IFRD1: variants seen among roughly 807,000 people sequenced by gnomAD.
IFRD1 encodes interferon-related developmental regulator 1.
In IFRD1, 35 loss-of-function variants were observed where a neutral mutation model predicts 52.9. The observed-to-expected ratio is 0.66, with a 90% confidence interval of 0.51 to 0.88. IFRD1 has a LOEUF of 0.88. Ranked by LOEUF, IFRD1 falls within the 40% of genes least tolerant of loss-of-function variation. The probability of loss-of-function intolerance (pLI) is 0.00; values close to 1 mark genes in which losing one functional copy is unlikely to be tolerated. For missense variants in IFRD1, 517 were observed against 550.8 expected, an observed-to-expected ratio of 0.94 and a Z score of 0.61; for synonymous variants, 184 against 188.4, an observed-to-expected ratio of 0.98 and a Z score of 0.19.
rs1216250930 is a variant in IFRD1, at chr7:112,465,973, G to A, written c.907-2008G>A. On this transcript the variant is annotated intron_variant, in intron 8 of 11. Coordinates refer to ENST00000403825, the MANE Select transcript of IFRD1 (RefSeq NM_001550.4). ...TTGGGTATTTTCTTTTTTTTCAGAT[G>A]ATAAAATAGATTTATAATTTATAAA... Among the ~76,000 whole-genome samples, 4 of 152,148 alleles carry A rather than the reference G, an allele frequency of 2.6e-5. No homozygotes were observed. In the East Asian group the frequency reaches 7.7e-4, roughly 29 times the overall value.
At chr7:112,442,754 C>G (rs940195521) in intron 1 of IFRD1, among the ~76,000 whole-genome samples, 1 of 152,152 alleles carries the variant, frequency 6.6e-6, no homozygotes, top group African/African-American at 2.4e-5. Flanking sequence ...TCAGTCATCT[C>G]TTTGTTCTCA....
chr7:112,444,263 C>T (rs1217579302), intron 1 of IFRD1, among the ~76,000 whole-genome samples: 1 of 152,074 alleles, frequency 6.6e-6, no homozygotes, highest in Non-Finnish European at 1.5e-5. Flanking sequence ...TGTCTTTTGT[C>T]AGAAATTTCA....
At chr7:112,472,899 C>T (rs1795791348) in intron 11 of IFRD1, 38 bp downstream of exon 11, 2 of 1,411,724 alleles carry the variant, frequency 1.4e-6, no homozygotes, top group South Asian at 1.2e-5. Context: ...ACTAAGTGCG[C>T]CAAAGCTTTG....
chr7:112,459,110 T>A (rs1234346362), intron 5 of IFRD1, 92 bp downstream of exon 5: 7 of 1,090,910 alleles, frequency 6.4e-6, no homozygotes, highest in Non-Finnish European at 9.7e-6. Flanking sequence ...CTCAAGAGGC[T>A]GAGGCAAGAG....
At chr7:112,445,508 T>G (rs995217981), upstream of IFRD1, among the ~76,000 whole-genome samples, 6 of 152,232 alleles carry the variant, frequency 3.9e-5, no homozygotes, top group African/African-American at 1.4e-4. Flanking sequence ...AAGAATTACA[T>G]GAGAGGTGTG....
At chr7:112,427,893 G>C (rs1374083075) in intron 1 of IFRD1, among the ~76,000 whole-genome samples, 2 of 152,160 alleles carry the variant, frequency 1.3e-5, no homozygotes, top group African/African-American at 4.8e-5. Context: ...AGAGGGAAAG[G>C]CAGCTATAAA....
At position 112,462,171 on chromosome 7, in the gene IFRD1, G is replaced by T; in HGVS notation, c.789G>T (p.Lys263Asn). 1.2e-6 allele frequency: 2 copies of T among 1,613,680 alleles called. No individual in the cohort carries two copies. The highest frequency in any genetic ancestry group is 1.7e-6 in the Non-Finnish European group (2 of 1,179,810). ...TICPINEVKKKLEMHFHKLPS... is the reference protein window; with the variant it reads ...TICPINEVKKNLEMHFHKLPS... Reference sequence around the variant, plus strand: ...GCCCAATCAATGAAGTGAAGAAAAAGCTTGAGATGTATGTATTTTTAGTTT... The same window carrying T: ...GCCCAATCAATGAAGTGAAGAAAAATCTTGAGATGTATGTATTTTTAGTTT... Residue 263 changes from lysine (K) to asparagine (N), a missense_variant, in exon 7 of 12, where the codon AAG becomes AAT. Lys to Asn is a moderately conservative substitution (Grantham distance 94). Coordinates refer to ENST00000403825, the MANE Select transcript of IFRD1 (RefSeq NM_001550.4).
At chr7:112,424,379 T>G (rs1372205456) in intron 1 of IFRD1, among the ~76,000 whole-genome samples, 1 of 151,874 alleles carries the variant, frequency 6.6e-6, no homozygotes, top group African/African-American at 2.4e-5. Flanking sequence ...GAGTGTCTGG[T>G]GAAGGGAAGG....
chr7:112,460,594 A>AT (rs1446681317), intron 5 of IFRD1, among the ~76,000 whole-genome samples: 1 of 152,154 alleles, frequency 6.6e-6, no homozygotes, highest in Non-Finnish European at 1.5e-5. Context: ...AAAAGGAACG[A>AT]TGTAGCCTTG....
intron 11 of IFRD1, among the ~76,000 whole-genome samples, chr7:112,475,179 C>T (rs943494119): frequency 7.2e-5 from 11 of 152,226 alleles, no homozygotes; most frequent in East Asian, 1.9e-4. Context: ...AGGATGGTCT[C>T]AATCTCCTGA....
intron 1 of IFRD1, among the ~76,000 whole-genome samples, chr7:112,444,302 T>C (rs923134497): frequency 2.0e-5 from 3 of 152,082 alleles, no homozygotes; most frequent in African/African-American, 7.2e-5. Context: ...ATTTCAAAAC[T>C]GAAAACCACA....
chr7:112,440,825 C>T (rs948515624), intron 1 of IFRD1, among the ~76,000 whole-genome samples: 1 of 152,142 alleles, frequency 6.6e-6, no homozygotes, highest in African/African-American at 2.4e-5. Context: ...CTAACTTGAG[C>T]ATAAGAAACA....
chr7:112,468,235 A>G (rs1348992974), intron 9 of IFRD1, 120 bp downstream of exon 9: 20 of 1,182,374 alleles, frequency 1.7e-5, no homozygotes, highest in East Asian at 2.5e-5. Flanking sequence ...TTCTCATTTT[A>G]CGACCTAGCA....
At chr7:112,455,509 C>CA (rs546986853) in intron 1 of IFRD1, among the ~76,000 whole-genome samples, 8 of 142,882 alleles carry the variant, frequency 5.6e-5, no homozygotes, top group Non-Finnish European at 7.7e-5. Context: ...CAAAACAAAA[C>CA]AAAAAAAAGA....
At chr7:112,460,257 T>C (rs13311557) in intron 5 of IFRD1, among the ~76,000 whole-genome samples, 1 of 145,716 alleles carries the variant, frequency 6.9e-6, no homozygotes, top group East Asian at 2.0e-4. Flanking sequence ...TTTTTTTTTT[T>C]TTTTTTTGAC....
At chr7:112,430,845 G>A (rs529468003) in intron 1 of IFRD1, among the ~76,000 whole-genome samples, 1 of 152,144 alleles carries the variant, frequency 6.6e-6, no homozygotes, top group African/African-American at 2.4e-5. Context: ...CATACAGCCT[G>A]GGGCCTGATG....
At chr7:112,471,602 T>A (rs1413249258) in intron 9 of IFRD1, among the ~76,000 whole-genome samples, 1 of 152,134 alleles carries the variant, frequency 6.6e-6, no homozygotes, top group Admixed American at 6.5e-5. Context: ...CCATCTGACT[T>A]CTGTTTCTGT....
At chr7:112,452,580 TATA>T in intron 1 of IFRD1, 2 of 360,886 alleles carry the variant, frequency 5.5e-6, no homozygotes, top group Non-Finnish European at 7.7e-6. Context: ...GTTTGAAAGT[TATA>T]ATGATGTTAG....
chr7:112,435,462 C>A (rs1219727022), intron 1 of IFRD1: 2 of 152,214 alleles, frequency 1.3e-5, no homozygotes, highest in Admixed American at 1.3e-4. Context: ...CAGGGGCTGT[C>A]TTCAATTTCA....
Sources: gnomAD v4.1 joint callset for allele counts (sites outside exome capture counted in the v4.1 genomes callset) on GRCh38, gnomAD v4.1.1 for gene constraint, MANE v1.5 for transcripts, NCBI Gene and HGNC (gene_info 2026-07-23, HGNC 2026-07-21) for gene names.